SLC24A3: variants seen among roughly 807,000 people sequenced by gnomAD.
SLC24A3 encodes solute carrier family 24 member 3.
Under a neutral mutation model 75.8 loss-of-function variants are expected in SLC24A3, and 28 were observed. That is an observed-to-expected ratio of 0.37 (90% CI 0.27 to 0.51). The LOEUF is 0.51. Ranked by LOEUF, SLC24A3 falls within the 20% of genes least tolerant of loss-of-function variation. SLC24A3 has a pLI of 0.94. For missense variants in SLC24A3, 663 were observed against 847.8 expected (o/e 0.78, Z 2.71); for synonymous variants, 372 against 334.1 (o/e 1.11, Z -1.24).
intron 1 of SLC24A3, among the ~76,000 whole-genome samples, chr20:19,231,352 T>C (rs1982017670): frequency 6.6e-6 from 1 of 152,182 alleles, no homozygotes; most frequent in African/African-American, 2.4e-5. Flanking sequence ...GAGTTCAAGT[T>C]GCTGATGGAA....
At chr20:19,495,912 G>A (rs1229659983) in intron 2 of SLC24A3, among the ~76,000 whole-genome samples, 1 of 152,150 alleles carries the variant, frequency 6.6e-6, no homozygotes, top group Non-Finnish European at 1.5e-5. Flanking sequence ...CCAATACATA[G>A]CCACACAGTG....
At chr20:19,537,884 G>A (rs1309352039) in intron 3 of SLC24A3, among the ~76,000 whole-genome samples, 1 of 140,604 alleles carries the variant, frequency 7.1e-6, no homozygotes, top group Non-Finnish European at 1.5e-5. Flanking sequence ...GTTGTGGGGT[G>A]GGGGGAGGGG....
intron 3 of SLC24A3, among the ~76,000 whole-genome samples, chr20:19,554,429 G>A (rs1277729639): frequency 6.6e-6 from 1 of 152,136 alleles, no homozygotes; most frequent in African/African-American, 2.4e-5. Context: ...AGTTTGTGGA[G>A]AGAAGAGAAA....
At chr20:19,306,870 A>G (rs2122254365) in intron 2 of SLC24A3, among the ~76,000 whole-genome samples, 1 of 141,446 alleles carries the variant, frequency 7.1e-6, no homozygotes, top group East Asian at 2.1e-4. Flanking sequence ...ATTAAAAAAC[A>G]AAAACAAACA....
At chr20:19,495,022 C>A (rs1286524119) in intron 2 of SLC24A3, among the ~76,000 whole-genome samples, 1 of 152,126 alleles carries the variant, frequency 6.6e-6, no homozygotes, top group African/African-American at 2.4e-5. Flanking sequence ...TCAGGTGGAT[C>A]CCAGGAGACC....
intron 2 of SLC24A3, among the ~76,000 whole-genome samples, chr20:19,347,710 A>T (rs1242526212): frequency 6.6e-6 from 1 of 152,198 alleles, no homozygotes; most frequent in Non-Finnish European, 1.5e-5. Context: ...ATAGAAATGG[A>T]AAATACTGTG....
intron 1 of SLC24A3, chr20:19,264,134 C>T (rs2122200088): frequency 6.7e-6 from 1 of 149,626 alleles, no homozygotes; most frequent in Non-Finnish European, 1.5e-5. Context: ...ACACTCCAGC[C>T]TGAGTGACAA....
chr20:19,721,242 TCTC>T lies in SLC24A3; in HGVS notation c.*105_*107del. On this transcript the variant is annotated 3_prime_UTR_variant, in exon 17 of 17. Transcript: ENST00000328041. Reference sequence around the variant, plus strand: ...GGCCCCCGGGGCCACGGCGTTCGTCTCTCCTGTGCTGTCCTCAGGCCTCCGCTC... The same window carrying T: ...GGCCCCCGGGGCCACGGCGTTCGTCTCTGTGCTGTCCTCAGGCCTCCGCTC... The T allele has an allele frequency of 6.8e-7, 1 of 1,463,646 alleles. No homozygotes were observed. Among genetic ancestry groups the T allele is most frequent in the Non-Finnish European group, 9.3e-7 (1 of 1,079,038 alleles). The allele number at this position is 1,463,646 out of a possible 1,614,324, so 90.7% of individuals were successfully genotyped here.
intron 2 of SLC24A3, among the ~76,000 whole-genome samples, chr20:19,451,757 T>A (rs1345409060): frequency 6.6e-6 from 1 of 152,198 alleles, no homozygotes; most frequent in Non-Finnish European, 1.5e-5. Flanking sequence ...TGGTGTTGTG[T>A]TCCTCTTGCC....
intron 2 of SLC24A3, among the ~76,000 whole-genome samples, chr20:19,493,772 CCAG>C (rs1988239591): frequency 6.6e-6 from 1 of 152,166 alleles, no homozygotes; most frequent in African/African-American, 2.4e-5. Context: ...AAGCCAATGG[CCAG>C]TTCATCCCCT....
At position 19,397,647 on chromosome 20, in the gene SLC24A3, CTTTTTTT is replaced by C. The variant is rs3057518; in HGVS notation, c.271+116574_271+116580del. Among the ~76,000 whole-genome samples the C allele has an allele frequency of 2.1e-4, 25 of 117,116 alleles. No individual in the cohort carries two copies. In the East Asian group the frequency reaches 3.3e-3, roughly 16 times the overall value. The allele number at this position is 117,116 out of a possible 152,430, so 76.8% of individuals were successfully genotyped here. ...AAAGGTTGTGCTTTTTTTTTCTTTT[CTTTTTTT>C]TTTTTTTTTTTTTGAGTGGTAATTA... On this transcript the variant is annotated intron_variant, in intron 2 of 16. Coordinates refer to ENST00000328041, the MANE Select transcript of SLC24A3 (RefSeq NM_020689.4).
chr20:19,462,927 G>A (rs183950649), intron 2 of SLC24A3, among the ~76,000 whole-genome samples: 1 of 152,246 alleles, frequency 6.6e-6, no homozygotes, highest in East Asian at 1.9e-4. Context: ...ATTTTCACAG[G>A]TCATAGTTTG....
At chr20:19,589,709 G>A (rs2031347123) in intron 6 of SLC24A3, among the ~76,000 whole-genome samples, 2 of 152,074 alleles carry the variant, frequency 1.3e-5, no homozygotes, top group South Asian at 4.1e-4. Context: ...AAAAATACCA[G>A]CTACTGTTTA....
chr20:19,637,124 C>T (rs1365192140), intron 6 of SLC24A3, among the ~76,000 whole-genome samples: 1 of 146,010 alleles, frequency 6.8e-6, no homozygotes, highest in African/African-American at 2.4e-5. Flanking sequence ...CATGGCAAAA[C>T]CCCGTCTCTA....
At chr20:19,475,202 G>T (rs1385035043) in intron 2 of SLC24A3, among the ~76,000 whole-genome samples, 1 of 152,118 alleles carries the variant, frequency 6.6e-6, no homozygotes, top group Non-Finnish European at 1.5e-5. Context: ...AGCCGGGCGT[G>T]GTGGCGGTTG....
chr20:19,519,703 C>G (rs1024146429), intron 3 of SLC24A3, among the ~76,000 whole-genome samples: 5 of 152,216 alleles, frequency 3.3e-5, no homozygotes, highest in Non-Finnish European at 7.3e-5. Context: ...CCTATAGATT[C>G]ATTGAGCCTG....
intron 12 of SLC24A3, 124 bp from the exon 13 acceptor site, chr20:19,693,135 C>A: frequency 1.0e-6 from 1 of 1,002,106 alleles, no homozygotes; most frequent in Non-Finnish European, 1.4e-6. Context: ...AGAAAAAGAG[C>A]AATATAATAA....
chr20:19,260,347 T>G (rs1035711565), intron 1 of SLC24A3, among the ~76,000 whole-genome samples: 4 of 152,172 alleles, frequency 2.6e-5, no homozygotes, highest in African/African-American at 9.7e-5. Context: ...GTTGTAAGGT[T>G]AAGTAAGGTG....
At chr20:19,280,923 G>A (rs775325387) in intron 1 of SLC24A3, 36 bp from the exon 2 acceptor site, 1 of 1,607,364 alleles carries the variant, frequency 6.2e-7, no homozygotes, top group Non-Finnish European at 8.5e-7. Flanking sequence ...AAACCCAGCT[G>A]TGAATGATGT....
Sources: gnomAD v4.1 joint callset for allele counts (sites outside exome capture counted in the v4.1 genomes callset) on GRCh38, gnomAD v4.1.1 for gene constraint, MANE v1.5 for transcripts, NCBI Gene and HGNC (gene_info 2026-07-23, HGNC 2026-07-21) for gene names.